Variants in ABLIM1 observed in about 807,000 individuals in gnomAD.
ABLIM1 encodes the protein actin binding LIM protein 1, also known as actin-binding LIM protein 1.
ABLIM1 carries 40 observed loss-of-function variants against 107.0 expected under a neutral mutation model. The ratio of observed to expected loss-of-function variants is 0.37; its 90% CI spans 0.29 to 0.49. The LOEUF (loss-of-function observed/expected upper bound fraction) is 0.49, where lower values mean the gene tolerates loss of function less well. Ranked by LOEUF, ABLIM1 falls within the 20% of genes least tolerant of loss-of-function variation. The pLI, the probability that ABLIM1 is intolerant of heterozygous loss-of-function variation, is 0.97. For missense variants in ABLIM1, 857 were observed against 1,008.5 expected, an observed-to-expected ratio of 0.85 and a Z score of 2.04; for synonymous variants, 357 against 357.3, an observed-to-expected ratio of 1.00 and a Z score of 0.01.
At chr10:114,468,410 G>C (rs1024716736) in intron 10 of ABLIM1, 194 bp from the exon 11 acceptor site, 1 of 348,884 alleles carries the variant, frequency 2.9e-6, no homozygotes, top group Non-Finnish European at 4.9e-6. Context: ...AAGTAGCTGG[G>C]ACTACAGGCG....
At chr10:114,723,687 TGTGTTTCAGTGG>T (rs1397257851) in intron 1 of ABLIM1, among the ~76,000 whole-genome samples, 1 of 152,270 alleles carries the variant, frequency 6.6e-6, no homozygotes, top group Non-Finnish European at 1.5e-5. Context: ...AGAAATAATT[TGTGTTTCAGTGG>T]AAAAGTATGC....
In ABLIM1 at chr10:114,494,890, C is replaced by T. The variant is rs532726353; in HGVS notation, c.895-3012G>A. On this transcript the variant is annotated intron_variant, in intron 6 of 22. Coordinates refer to ENST00000533213, the MANE Select transcript of ABLIM1 (RefSeq NM_002313.7). ...GGTAGAAATAATAGAACTTACCCCACGCAGTTGATGAGAGCACTATTAGGA... is the reference window on the plus strand; with the variant it reads ...GGTAGAAATAATAGAACTTACCCCATGCAGTTGATGAGAGCACTATTAGGA... 5.8e-4 allele frequency among the ~76,000 whole-genome samples: 88 copies of T among 152,242 alleles called. 1 individual carries two copies. Among genetic ancestry groups the T allele is most frequent in the African/African-American group, 2.1e-3 (86 of 41,536 alleles).
At chr10:114,584,046 A>G (rs2073916133) in intron 2 of ABLIM1, among the ~76,000 whole-genome samples, 2 of 152,080 alleles carry the variant, frequency 1.3e-5, no homozygotes, top group Admixed American at 6.6e-5. Flanking sequence ...GGTTTCAATC[A>G]TACCCTAAGC....
intron 12 of ABLIM1, among the ~76,000 whole-genome samples, 184 bp from the exon 13 acceptor site, chr10:114,453,667 G>T (rs1187942515): frequency 6.6e-6 from 1 of 152,184 alleles, no homozygotes; most frequent in Non-Finnish European, 1.5e-5. Flanking sequence ...TTAGTTTTCC[G>T]TTGCAGAGAT....
At chr10:114,797,009 C>T in the ABLIM1 span, among the ~76,000 whole-genome samples, 69 of 152,320 alleles carry the variant, frequency 4.5e-4, no homozygotes, top group African/African-American at 1.7e-3. Context: ...CCATCCTCCA[C>T]ATCAACATCC....
At chr10:114,730,263 C>T (rs991316626) in intron 1 of ABLIM1, among the ~76,000 whole-genome samples, 4 of 151,630 alleles carry the variant, frequency 2.6e-5, no homozygotes, top group South Asian at 4.2e-4. Context: ...CCAGGTGTGG[C>T]GATGCACGCC....
At chr10:114,686,974 C>A (rs2080956105), upstream of ABLIM1, among the ~76,000 whole-genome samples, 1 of 152,156 alleles carries the variant, frequency 6.6e-6, no homozygotes, top group African/African-American at 2.4e-5. Flanking sequence ...TATACCATGT[C>A]ATTTTGAAAT....
chr10:114,447,784 T>C, intron 15 of ABLIM1, 96 bp downstream of exon 15: 1 of 1,524,220 alleles, frequency 6.6e-7, no homozygotes, highest in Non-Finnish European at 8.9e-7. Flanking sequence ...TTTAAAATCT[T>C]CATAATAGGA....
intron 1 of ABLIM1, among the ~76,000 whole-genome samples, chr10:114,653,712 T>C (rs1319917740): frequency 6.6e-6 from 1 of 152,254 alleles, no homozygotes; most frequent in Non-Finnish European, 1.5e-5. Context: ...CTCACTGATA[T>C]ATTTTTGCAG....
At chr10:114,690,328 G>T (rs1046982655) in intron 1 of ABLIM1, 2 of 1,601,022 alleles carry the variant, frequency 1.2e-6, no homozygotes, top group Non-Finnish European at 8.6e-7. Flanking sequence ...TTTGTGTTGG[G>T]TCCAGCATTT....
intron 4 of ABLIM1, among the ~76,000 whole-genome samples, chr10:114,548,066 T>TAC (rs1304386504): frequency 6.6e-6 from 1 of 152,180 alleles, no homozygotes; most frequent in Non-Finnish European, 1.5e-5. Context: ...TCCTCTGAGC[T>TAC]ACAGATCGCC....
intron 16 of ABLIM1, among the ~76,000 whole-genome samples, chr10:114,444,466 G>A (rs901049626): frequency 1.3e-5 from 2 of 152,210 alleles, no homozygotes; most frequent in Non-Finnish European, 2.9e-5. Context: ...GGGAAGGGAA[G>A]ACTGGGGCTG....
chr10:114,682,900 G>T (rs1382009982), intron 1 of ABLIM1, among the ~76,000 whole-genome samples: 1 of 152,112 alleles, frequency 6.6e-6, no homozygotes, highest in Non-Finnish European at 1.5e-5. Flanking sequence ...TTTCTGGAAA[G>T]CCAAACTAAA....
intron 8 of ABLIM1, among the ~76,000 whole-genome samples, chr10:114,479,677 C>A (rs1456169543): frequency 6.6e-6 from 1 of 152,132 alleles, no homozygotes; most frequent in Non-Finnish European, 1.5e-5. Context: ...TTGCCACAGT[C>A]CCTAATGTCT....
rs12254250 is a variant in ABLIM1 at position 114,765,195 on chromosome 10, C to T, written c.-213+2866G>A. Among the ~76,000 whole-genome samples, 158 of 151,922 alleles carry T rather than the reference C, an allele frequency of 1.0e-3. 3 individuals carry two copies. The highest frequency in any genetic ancestry group is 3.6e-3 in the African/African-American group (148 of 41,398). ...TCGAGTAGCTGGGACTACAGGCATG[C>T]GCCACCATGCCCAGCTAATTTTTGT... On this transcript the variant is annotated intron_variant, in intron 1 of 15. Transcript: ENST00000651092.
intron 21 of ABLIM1, 116 bp from the exon 22 acceptor site, chr10:114,438,040 A>G: frequency 1.1e-6 from 1 of 942,472 alleles, no homozygotes; most frequent in Non-Finnish European, 1.6e-6. Context: ...GTCATGACAG[A>G]ATTCGAGTGA....
At chr10:114,748,129 C>T (rs1464636175) in intron 1 of ABLIM1, among the ~76,000 whole-genome samples, 1 of 152,088 alleles carries the variant, frequency 6.6e-6, no homozygotes. Flanking sequence ...AATCACAAAC[C>T]ATAAGAACCC....
chr10:114,786,112 T>A, the ABLIM1 span, among the ~76,000 whole-genome samples: 2 of 151,870 alleles, frequency 1.3e-5, no homozygotes, highest in African/African-American at 2.4e-5. Flanking sequence ...TTCAGTTTTT[T>A]AAAAGAGATT....
intron 4 of ABLIM1, among the ~76,000 whole-genome samples, chr10:114,552,248 T>C (rs1276460759): frequency 6.6e-6 from 1 of 152,188 alleles, no homozygotes; most frequent in Non-Finnish European, 1.5e-5. Context: ...CCTTCCACGC[T>C]CACTCCAACT....
Sources: gnomAD v4.1 joint callset for allele counts (sites outside exome capture counted in the v4.1 genomes callset) on GRCh38, gnomAD v4.1.1 for gene constraint, MANE v1.5 for transcripts, NCBI Gene and HGNC (gene_info 2026-07-23, HGNC 2026-07-21) for gene names.